Variants in SPAST observed in about 807,000 individuals in gnomAD.
SPAST encodes the protein spastic paraplegia 4 (autosomal dominant; spastin).
SPAST carries 30 observed loss-of-function variants against 76.6 expected under a neutral mutation model. The ratio of observed to expected loss-of-function variants is 0.39; its 90% CI spans 0.29 to 0.53. SPAST has a LOEUF of 0.53. Ranked by LOEUF, SPAST falls within the 20% of genes least tolerant of loss-of-function variation. The pLI, the probability that SPAST is intolerant of heterozygous loss-of-function variation, is 0.68. For missense variants in SPAST, 717 were observed against 770.5 expected, an observed-to-expected ratio of 0.93 and a Z score of 0.82; for synonymous variants, 305 against 281.0, an observed-to-expected ratio of 1.09 and a Z score of -0.86.
intron 9 of SPAST, among the ~76,000 whole-genome samples, chr2:32,134,437 G>C (rs949147848): frequency 1.3e-5 from 2 of 150,904 alleles, no homozygotes; most frequent in African/African-American, 4.9e-5. Flanking sequence ...GGGAGGCAGA[G>C]ATTGCAGTGA....
chr2:32,148,929 G>GC (rs1679984481), intron 16 of SPAST, among the ~76,000 whole-genome samples: 1 of 149,928 alleles, frequency 6.7e-6, no homozygotes. Context: ...AGCCAAGATT[G>GC]CCCCATTGCA....
At position 32,086,573 on chromosome 2, in the gene SPAST, G is replaced by A. The variant is rs1201912971; in HGVS notation, c.416-919G>A. Among the ~76,000 whole-genome samples the A allele has an allele frequency of 3.3e-5, 5 of 152,040 alleles. No individual in the cohort carries two copies. In the East Asian group the frequency reaches 9.7e-4, roughly 29 times the overall value. ...AGTTCAAGATCAGCCTGGCCAACAT[G>A]GTGAAAACCCCGTCTTTATACTTAA... On this transcript the variant is annotated intron_variant, in intron 1 of 16. Transcript: ENST00000315285.
chr2:32,120,092 C>T lies in SPAST; in HGVS notation c.1098+3880C>T, dbSNP rs183111825. 5.3e-5 allele frequency among the ~76,000 whole-genome samples: 8 copies of T among 151,788 alleles called. No homozygotes were observed. In the East Asian group the frequency reaches 1.5e-3, roughly 29 times the overall value. On this transcript the variant is annotated intron_variant, in intron 7 of 16. Transcript: ENST00000315285. ...AGCGTGGCCTTAGGCTTAAGTGATC[C>T]TCCTGTCTCAGCCTCCCAAGTAGCT...
At chr2:32,080,157 T>G (rs577680446) in intron 1 of SPAST, among the ~76,000 whole-genome samples, 1 of 152,360 alleles carries the variant, frequency 6.6e-6, no homozygotes, top group South Asian at 2.1e-4. Context: ...TTGATTTGCA[T>G]GTATTTTTCT....
At chr2:32,070,176 C>G (rs1040226303) in intron 1 of SPAST, among the ~76,000 whole-genome samples, 1 of 151,916 alleles carries the variant, frequency 6.6e-6, no homozygotes, top group African/African-American at 2.4e-5. Context: ...AGCGATTCTC[C>G]TGCCTCAGTC....
At chr2:32,104,086 T>C (rs1006776331) in intron 4 of SPAST, among the ~76,000 whole-genome samples, 3 of 152,200 alleles carry the variant, frequency 2.0e-5, no homozygotes, top group African/African-American at 4.8e-5. Flanking sequence ...TGTGGGAGTC[T>C]AAGTCTCTTT....
rs1354537232 is a variant in SPAST, at chr2:32,064,256, G to A, written c.415+10G>A. The A allele has an allele frequency of 6.5e-7, 1 of 1,548,006 alleles. No individual in the cohort carries two copies. Among genetic ancestry groups the A allele is most frequent in the Non-Finnish European group, 8.7e-7 (1 of 1,146,452 alleles). On this transcript the variant is annotated intron_variant, in intron 1 of 16. Coordinates refer to ENST00000315285, the MANE Select transcript of SPAST (RefSeq NM_014946.4). Reference sequence around the variant, plus strand: ...GATGAGGATGAGAAAGGTAACTAGGGGGCTGGGGGAGGGGGCGGCGGCGCC... The same window carrying A: ...GATGAGGATGAGAAAGGTAACTAGGAGGCTGGGGGAGGGGGCGGCGGCGCC...
At chr2:32,104,647 G>T (rs986464178) in intron 4 of SPAST, among the ~76,000 whole-genome samples, 11 of 152,088 alleles carry the variant, frequency 7.2e-5, no homozygotes, top group African/African-American at 2.7e-4. Context: ...GGCAGGCCTG[G>T]TAGTTACAAA....
At chr2:32,084,768 T>TC (rs1402872774) in intron 1 of SPAST, among the ~76,000 whole-genome samples, 1 of 150,374 alleles carries the variant, frequency 6.7e-6, no homozygotes, top group Non-Finnish European at 1.5e-5. Context: ...ACACCTGTAA[T>TC]CCCAGCTACT....
chr2:32,083,629 G>T (rs1450290625), intron 1 of SPAST, among the ~76,000 whole-genome samples: 2 of 134,710 alleles, frequency 1.5e-5, no homozygotes, highest in Non-Finnish European at 3.1e-5. Flanking sequence ...TAATTCTTTG[G>T]CAATACTTAT....
At chr2:32,073,320 A>G (rs113491435) in intron 1 of SPAST, among the ~76,000 whole-genome samples, 68 of 152,294 alleles carry the variant, frequency 4.5e-4, no homozygotes, top group Admixed American at 1.9e-3. Context: ...GGCGTGAGCC[A>G]CTGCACCTGG....
At chr2:32,072,749 G>A (rs1300075614) in intron 1 of SPAST, among the ~76,000 whole-genome samples, 2 of 152,142 alleles carry the variant, frequency 1.3e-5, no homozygotes, top group Admixed American at 6.6e-5. Flanking sequence ...CAGAAGATGA[G>A]GATGGAGGGT....
At chr2:32,118,980 G>T (rs977483069) in intron 7 of SPAST, among the ~76,000 whole-genome samples, 1 of 152,096 alleles carries the variant, frequency 6.6e-6, no homozygotes, top group Non-Finnish European at 1.5e-5. Flanking sequence ...CAATTAAGAA[G>T]CTATAATAAT....
chr2:32,113,639 T>C (rs192438618), intron 4 of SPAST, among the ~76,000 whole-genome samples: 142 of 147,838 alleles, frequency 9.6e-4, no homozygotes, highest in Non-Finnish European at 1.6e-3. Flanking sequence ...AATCTCGGCT[T>C]ACTGCAACCT....
intron 1 of SPAST, among the ~76,000 whole-genome samples, chr2:32,080,760 T>C (rs1208854135): frequency 2.6e-5 from 4 of 151,518 alleles, no homozygotes; most frequent in African/African-American, 9.7e-5. Flanking sequence ...TGGGTTTCAG[T>C]TCTTGTATGG....
Position 32,081,781 on chromosome 2 carries a change from C to CAAAAAAA in SPAST, c.416-5694_416-5688dup, listed in dbSNP as rs34078147. Reference sequence around the variant, plus strand: ...CCTGGGCGACAGAGTGAGACACTGTCAAAAAAAAAAAAAAAAAAAAAAAGG... The same window carrying CAAAAAAA: ...CCTGGGCGACAGAGTGAGACACTGTCAAAAAAAAAAAAAAAAAAAAAAAAAAAAAAGG... On this transcript the variant is annotated intron_variant, in intron 1 of 16. Coordinates refer to ENST00000315285, the MANE Select transcript of SPAST (RefSeq NM_014946.4). 5.0e-4 allele frequency among the ~76,000 whole-genome samples: 22 copies of CAAAAAAA among 44,386 alleles called. 2 individuals are homozygous for CAAAAAAA. Among genetic ancestry groups the CAAAAAAA allele is most frequent in the African/African-American group, 1.3e-3 (15 of 11,948 alleles). 29.1% of individuals were successfully genotyped at this position (44,386 alleles called of 152,430 possible).
At chr2:32,071,863 T>C (rs1297257128) in intron 1 of SPAST, among the ~76,000 whole-genome samples, 2 of 152,186 alleles carry the variant, frequency 1.3e-5, no homozygotes, top group African/African-American at 2.4e-5. Context: ...ATGTTTCTTA[T>C]GAGACTTTAA....
At chr2:32,150,531 G>A (rs1409652089) in intron 16 of SPAST, among the ~76,000 whole-genome samples, 1 of 151,718 alleles carries the variant, frequency 6.6e-6, no homozygotes, top group East Asian at 1.9e-4. Flanking sequence ...TCTAGCTCCT[G>A]GGCTCAGGCA....
intron 1 of SPAST, among the ~76,000 whole-genome samples, chr2:32,070,158 C>T (rs1427613231): frequency 2.6e-5 from 4 of 151,708 alleles, no homozygotes; most frequent in African/African-American, 7.3e-5. Context: ...CTCCACCTCC[C>T]GGGTTCAAGC....
Sources: allele counts gnomAD v4.1 joint callset (sites outside exome capture counted in the v4.1 genomes callset), GRCh38; gene constraint gnomAD v4.1.1; transcripts MANE v1.5; gene names NCBI Gene and HGNC (gene_info 2026-07-23, HGNC 2026-07-21).